Variants in MICU1 observed in about 807,000 individuals in gnomAD.
MICU1 encodes the protein calcium uptake protein 1, mitochondrial.
MICU1 carries 45 observed loss-of-function variants against 56.8 expected under a neutral mutation model. The ratio of observed to expected loss-of-function variants is 0.79; its 90% CI spans 0.62 to 1.02. The LOEUF is 1.02. Ranked by LOEUF, MICU1 falls within the 50% of genes least tolerant of loss-of-function variation. MICU1 has a pLI of 0.00. For missense variants in MICU1, 504 were observed against 587.1 expected (o/e 0.86, Z 1.46); for synonymous variants, 186 against 195.1 (o/e 0.95, Z 0.39).
intron 6 of MICU1, chr10:72,477,509 GC>G (rs1866161237): frequency 1.3e-6 from 2 of 1,535,422 alleles, no homozygotes; most frequent in Admixed American, 3.9e-5. Flanking sequence ...GTTTCAACAT[GC>G]TTTGCCTTAA....
chr10:72,553,097 G>A (rs1840074678), intron 3 of MICU1, among the ~76,000 whole-genome samples: 1 of 152,164 alleles, frequency 6.6e-6, no homozygotes, highest in Admixed American at 6.5e-5. Flanking sequence ...TCAAAAGATT[G>A]AGCATGTGGC....
intron 1 of MICU1, among the ~76,000 whole-genome samples, chr10:72,614,930 A>G (rs1351555233): frequency 2.6e-5 from 4 of 152,268 alleles, no homozygotes; most frequent in African/African-American, 4.8e-5. Flanking sequence ...TAAAATATAC[A>G]TAACAGAAAA....
intron 1 of MICU1, among the ~76,000 whole-genome samples, chr10:72,623,716 G>A (rs573158566): frequency 2.6e-5 from 4 of 152,182 alleles, no homozygotes; most frequent in South Asian, 4.2e-4. Context: ...TGCCGCGCCT[G>A]TAGTTCCAGC....
At chr10:72,594,286 T>C (rs1430565045) in intron 1 of MICU1, among the ~76,000 whole-genome samples, 1 of 152,060 alleles carries the variant, frequency 6.6e-6, no homozygotes, top group Non-Finnish European at 1.5e-5. Flanking sequence ...TACTGAAGTA[T>C]CAACAAGAAG....
At chr10:72,392,964 T>A (rs1863127692) in intron 10 of MICU1, among the ~76,000 whole-genome samples, 1 of 152,212 alleles carries the variant, frequency 6.6e-6, no homozygotes, top group African/African-American at 2.4e-5. Context: ...CCTCAGCAGG[T>A]GAACAGTTAA....
At chr10:72,458,339 C>T (rs1865537963) in intron 8 of MICU1, among the ~76,000 whole-genome samples, 1 of 152,128 alleles carries the variant, frequency 6.6e-6, no homozygotes, top group Non-Finnish European at 1.5e-5. Flanking sequence ...TTCAAGGAAA[C>T]TACTTTAGGT....
At chr10:72,373,151 C>T (rs957000919) in intron 11 of MICU1, among the ~76,000 whole-genome samples, 1 of 151,250 alleles carries the variant, frequency 6.6e-6, no homozygotes, top group African/African-American at 2.4e-5. Context: ...TCGAATTCTC[C>T]ATCCCCTGGC....
At position 72,508,276 on chromosome 10, in the gene MICU1, A is replaced by G; in HGVS notation, c.538-7T>C. ...CTCGTTCCTGGGAAATTTTCTATAG[A>G]ATGTATGGGTCCCACCAAAAGACAA... On this transcript the variant is annotated splice_polypyrimidine_tract_variant and splice_region_variant and intron_variant, in intron 5 of 11. Transcript: ENST00000361114. 1 of 1,387,918 alleles carries G rather than the reference A, an allele frequency of 7.2e-7. No individual in the cohort carries two copies. The highest frequency in any genetic ancestry group is 9.9e-7 in the Non-Finnish European group (1 of 1,010,460). 86.0% of individuals were successfully genotyped at this position (1,387,918 alleles called of 1,614,324 possible). A position where few individuals can be genotyped will look rare whatever the true frequency, so the allele number is the denominator to read the frequency against.
At chr10:72,391,501 G>A (rs1589163657) in intron 10 of MICU1, among the ~76,000 whole-genome samples, 1 of 152,064 alleles carries the variant, frequency 6.6e-6, no homozygotes, top group East Asian at 1.9e-4. Context: ...TAACAACACA[G>A]CAATAAACTA....
At chr10:72,446,259 T>A (rs915984531) in intron 8 of MICU1, among the ~76,000 whole-genome samples, 4 of 152,224 alleles carry the variant, frequency 2.6e-5, no homozygotes, top group Non-Finnish European at 5.9e-5. Context: ...TAGACCAATT[T>A]ATTTATTTTC....
intron 9 of MICU1, among the ~76,000 whole-genome samples, chr10:72,413,586 AG>A (rs1863893175): frequency 1.3e-5 from 2 of 152,202 alleles, no homozygotes; most frequent in Non-Finnish European, 2.9e-5. Flanking sequence ...TACAAAAATT[AG>A]CCAGGCTGTG....
intron 1 of MICU1, among the ~76,000 whole-genome samples, chr10:72,603,238 T>C (rs1046862075): frequency 3.3e-5 from 5 of 149,758 alleles, no homozygotes; most frequent in African/African-American, 1.2e-4. Flanking sequence ...AACACAAAAA[T>C]TAGCCAGGCA....
rs35126406 is a variant in MICU1, at chr10:72,477,489, C to CT, written c.653-234dup. On this transcript the variant is annotated intron_variant, in intron 6 of 11. Coordinates refer to ENST00000361114, the MANE Select transcript of MICU1 (RefSeq NM_001195518.2). ...TACGGCCAGTAAAGACAGCACTTGT[C>CT]TACCTTTTTGTTTCAACATGCTTTG... 0.29 allele frequency: 441,880 copies of CT among 1,532,818 alleles called. 70,132 individuals carry two copies. Among genetic ancestry groups the CT allele is most frequent in the East Asian group, 0.63 (25,784 of 40,858 alleles). 95.0% of individuals were successfully genotyped at this position (1,532,818 alleles called of 1,614,324 possible). A position where few individuals can be genotyped will look rare whatever the true frequency, so the allele number is the denominator to read the frequency against.
intron 5 of MICU1, among the ~76,000 whole-genome samples, chr10:72,527,701 G>A (rs1868004726): frequency 6.6e-6 from 1 of 152,040 alleles, no homozygotes; most frequent in Admixed American, 6.6e-5. Context: ...TTAAGATAGT[G>A]GTTGTGTGCA....
chr10:72,381,806 T>C (rs1477173941), intron 10 of MICU1, among the ~76,000 whole-genome samples: 1 of 152,120 alleles, frequency 6.6e-6, no homozygotes, highest in African/African-American at 2.4e-5. Flanking sequence ...ATTGCCATTG[T>C]CTAGTATTGT....
At chr10:72,452,341 T>C (rs1865325848) in intron 8 of MICU1, among the ~76,000 whole-genome samples, 1 of 152,108 alleles carries the variant, frequency 6.6e-6, no homozygotes, top group African/African-American at 2.4e-5. Flanking sequence ...GAGGCCAAGA[T>C]TATATATCAA....
At chr10:72,595,465 G>GA (rs896728841) in intron 1 of MICU1, among the ~76,000 whole-genome samples, 2 of 84,802 alleles carry the variant, frequency 2.4e-5, no homozygotes, top group African/African-American at 8.9e-5. Context: ...AAAAAAAAAA[G>GA]AAAAAAAGAA....
At chr10:72,376,611 C>T (rs1862531105) in intron 10 of MICU1, among the ~76,000 whole-genome samples, 1 of 152,114 alleles carries the variant, frequency 6.6e-6, no homozygotes. Flanking sequence ...ACTGGAGTAA[C>T]ACTCTATGTA....
At chr10:72,607,078 C>T (rs1474034858) in intron 1 of MICU1, among the ~76,000 whole-genome samples, 6 of 152,098 alleles carry the variant, frequency 3.9e-5, no homozygotes, top group Non-Finnish European at 7.4e-5. Flanking sequence ...CGGTGGCTCA[C>T]GCCTGTAATC....
Sources: gnomAD v4.1 joint callset for allele counts (sites outside exome capture counted in the v4.1 genomes callset) on GRCh38, gnomAD v4.1.1 for gene constraint, MANE v1.5 for transcripts, NCBI Gene and HGNC (gene_info 2026-07-23, HGNC 2026-07-21) for gene names.